The following TRERF1 variants were observed in gnomAD, a reference collection of about 807,000 sequenced individuals.
The protein encoded by TRERF1 is transcriptional regulating factor 1.
Under a neutral mutation model 122.9 loss-of-function variants are expected in TRERF1, and 27 were observed. That is an observed-to-expected ratio of 0.22 (90% CI 0.16 to 0.30). The LOEUF is 0.30. Ranked by LOEUF, TRERF1 falls within the 10% of genes least tolerant of loss-of-function variation. The probability of loss-of-function intolerance (pLI) is 1.00; values close to 1 mark genes in which losing one functional copy is unlikely to be tolerated. For synonymous variants in TRERF1, 636 were observed against 641.7 expected (o/e 0.99, Z 0.13); for missense variants, 1,248 against 1,560.3 (o/e 0.80, Z 3.37).
rs1350269886 is a variant in TRERF1, at chr6:42,426,023, C to T, written c.-454+25154G>A. On this transcript the variant is annotated intron_variant, in intron 2 of 17. Transcript: ENST00000372922. ...TGTCCCTTACATTTGCACTGACATA[C>T]ATACTTGACACTTCCCTGGCTGCAA... Among the ~76,000 whole-genome samples, 3 of 152,252 alleles carry T rather than the reference C, an allele frequency of 2.0e-5. No individual in the cohort carries two copies. The East Asian group carries it at 5.8e-4, about 29-fold the overall frequency.
intron 3 of TRERF1, among the ~76,000 whole-genome samples, chr6:42,332,861 G>C (rs1765472569): frequency 6.6e-6 from 1 of 152,140 alleles, no homozygotes; most frequent in African/African-American, 2.4e-5. Context: ...TTCTACGGAG[G>C]AGGGTCTTCT....
chr6:42,412,149 C>T (rs572722210), intron 2 of TRERF1, among the ~76,000 whole-genome samples: 2 of 151,760 alleles, frequency 1.3e-5, no homozygotes, highest in South Asian at 4.2e-4. Flanking sequence ...TACAGGCATG[C>T]GCCACCATGC....
At chr6:42,277,247 A>C (rs139114272) in intron 4 of TRERF1, among the ~76,000 whole-genome samples, 1 of 152,040 alleles carries the variant, frequency 6.6e-6, no homozygotes, top group Non-Finnish European at 1.5e-5. Context: ...TTTGTTTCAT[A>C]CTACCTTCCC....
Position 42,259,508 on chromosome 6 carries a change from G to A in TRERF1, c.2100C>T (p.Asp700=). 6.2e-7 allele frequency: 1 copy of A among 1,612,446 alleles called. No individual in the cohort carries two copies. The highest frequency in any genetic ancestry group is 1.1e-5 in the South Asian group (1 of 91,010). ...TGTAAGGGGGCAGCTCGTGGGTGGG[G>A]TCCAGGAGCAGGTGGTCCCCGAGGA... Residue 700 remains aspartate, a synonymous_variant, in exon 9 of 18, where the codon GAC becomes GAT. Transcript: ENST00000372922. This position sits in a 1 kb window ranked among gnomAD's most constrained non-coding sequence, Gnocchi z 4.9.
intron 3 of TRERF1, among the ~76,000 whole-genome samples, chr6:42,361,456 T>C (rs1281600464): frequency 6.6e-6 from 1 of 152,238 alleles, no homozygotes; most frequent in African/African-American, 2.4e-5. Flanking sequence ...TTAAACTGTT[T>C]CAAATGTTTT....
intron 4 of TRERF1, among the ~76,000 whole-genome samples, chr6:42,286,282 T>C (rs1287450239): frequency 6.9e-6 from 1 of 145,744 alleles, no homozygotes; most frequent in Non-Finnish European, 1.5e-5. Context: ...AAAGCCAAAA[T>C]TGACAAATGG....
At chr6:42,252,550 A>G (rs1776010586) in intron 13 of TRERF1, among the ~76,000 whole-genome samples, 1 of 152,204 alleles carries the variant, frequency 6.6e-6, no homozygotes, top group Non-Finnish European at 1.5e-5. Context: ...CAAGGTGGCA[A>G]TTAAGCCAAC....
At chr6:42,301,000 C>CAGAG (rs34724916) in intron 3 of TRERF1, among the ~76,000 whole-genome samples, 8 of 150,094 alleles carry the variant, frequency 5.3e-5, no homozygotes, top group Non-Finnish European at 8.9e-5. Flanking sequence ...ACTTAGGAAA[C>CAGAG]AGAGAGAGAG....
At chr6:42,313,935 G>A (rs1023759601) in intron 3 of TRERF1, among the ~76,000 whole-genome samples, 1 of 152,154 alleles carries the variant, frequency 6.6e-6, no homozygotes, top group Non-Finnish European at 1.5e-5. Context: ...TTGAGACAAG[G>A]ATGAGAGCCT....
chr6:42,344,937 T>C (rs1179572020), intron 3 of TRERF1, among the ~76,000 whole-genome samples: 1 of 152,214 alleles, frequency 6.6e-6, no homozygotes, highest in East Asian at 1.9e-4. Context: ...TCTGTTTTGT[T>C]CATTGCTATA....
chr6:42,370,885 T>C (rs1201721494), intron 2 of TRERF1, among the ~76,000 whole-genome samples: 2 of 152,224 alleles, frequency 1.3e-5, no homozygotes, highest in Non-Finnish European at 2.9e-5. Flanking sequence ...TATCCTCTCC[T>C]GAGTGTCTCC....
intron 13 of TRERF1, among the ~76,000 whole-genome samples, chr6:42,250,490 G>T (rs913433104): frequency 1.3e-4 from 20 of 152,016 alleles, no homozygotes; most frequent in Non-Finnish European, 2.6e-4. Context: ...TCTCTAAGCC[G>T]GCCCTTCTTG....
At chr6:42,279,681 G>A (rs1156512551) in intron 4 of TRERF1, among the ~76,000 whole-genome samples, 1 of 152,182 alleles carries the variant, frequency 6.6e-6, no homozygotes, top group African/African-American at 2.4e-5. Flanking sequence ...GGACGACAGG[G>A]AGGGTGGTGG....
At chr6:42,382,352 C>T (rs569141672) in intron 2 of TRERF1, among the ~76,000 whole-genome samples, 1 of 151,340 alleles carries the variant, frequency 6.6e-6, no homozygotes, top group African/African-American at 2.4e-5. Context: ...TTTTATCTCC[C>T]GTGTCTAGAG....
chr6:42,404,207 A>G (rs138946741), intron 2 of TRERF1, among the ~76,000 whole-genome samples: 5 of 152,182 alleles, frequency 3.3e-5, no homozygotes, highest in African/African-American at 1.2e-4. Flanking sequence ...CAAGCTCAAC[A>G]TGTCAAAAGG....
At position 42,335,800 on chromosome 6, in the gene TRERF1, T is replaced by C. The variant is rs538536017; in HGVS notation, c.-371+27197A>G. Among the ~76,000 whole-genome samples, 345 of 152,322 alleles carry C rather than the reference T, an allele frequency of 2.3e-3. 2 individuals carry two copies. Among genetic ancestry groups the C allele is most frequent in the African/African-American group, 8.3e-3 (343 of 41,566 alleles). On this transcript the variant is annotated intron_variant, in intron 3 of 17. Coordinates refer to ENST00000372922, the Ensembl canonical transcript of TRERF1. ...TCCCCAAAACAAAGTCTAGCTTCCA[T>C]TGCGTGCTGACATAGTTTCCTCTAC...
intron 7 of TRERF1, among the ~76,000 whole-genome samples, chr6:42,264,319 T>C (rs1778761486): frequency 6.6e-6 from 1 of 152,384 alleles, no homozygotes; most frequent in Non-Finnish European, 1.5e-5. Context: ...CTGATGATTA[T>C]ATTAGCTTTC....
rs533125528 is a variant in TRERF1, at chr6:42,393,013, G to A, written c.-453-29934C>T. Among the ~76,000 whole-genome samples, 20 of 151,656 alleles carry A rather than the reference G, an allele frequency of 1.3e-4. No individual in the cohort carries two copies. Among genetic ancestry groups the A allele is most frequent in the South Asian group, 4.2e-4 (2 of 4,812 alleles). Reference sequence around the variant, plus strand: ...TCCCACTATGGCGTTTCAAGCTGCCGACGCGAGGGCCACTGGACATGGAGT... The same window carrying A: ...TCCCACTATGGCGTTTCAAGCTGCCAACGCGAGGGCCACTGGACATGGAGT... On this transcript the variant is annotated intron_variant, in intron 2 of 17. Coordinates refer to ENST00000372922, the Ensembl canonical transcript of TRERF1. This position sits in a 1 kb window ranked among gnomAD's most constrained non-coding sequence, Gnocchi z 4.1.
At chr6:42,390,669 C>T (rs1777580911) in intron 2 of TRERF1, among the ~76,000 whole-genome samples, 1 of 152,206 alleles carries the variant, frequency 6.6e-6, no homozygotes, top group African/African-American at 2.4e-5. Context: ...AGACAGAAAT[C>T]ACAACCGCCC....
Sources: allele counts gnomAD v4.1 joint callset (sites outside exome capture counted in the v4.1 genomes callset), GRCh38; gene constraint gnomAD v4.1.1; non-coding constraint Gnocchi (gnomAD v3.1); transcripts MANE v1.5; gene names NCBI Gene and HGNC (gene_info 2026-07-23, HGNC 2026-07-21).